Variants in FREM1 observed in about 807,000 individuals in gnomAD.
The protein encoded by FREM1 is FRAS1-related extracellular matrix protein 1.
A neutral mutation model predicts 210.1 loss-of-function variants in FREM1; 220 were observed. The ratio of observed to expected loss-of-function variants is 1.05; its 90% CI spans 0.94 to 1.17. FREM1 has a LOEUF of 1.17. FREM1 is among the 50% of genes most tolerant of loss of function. The pLI, the probability that FREM1 is intolerant of heterozygous loss-of-function variation, is 0.00. For synonymous variants in FREM1, 1,189 were observed against 980.2 expected, an observed-to-expected ratio of 1.21 and a Z score of -3.98; for missense variants, 3,454 against 2,675.5, an observed-to-expected ratio of 1.29 and a Z score of -6.42.
chr9:14,884,993 C>G (rs181677983), intron 1 of FREM1, among the ~76,000 whole-genome samples: 2 of 117,068 alleles, frequency 1.7e-5, no homozygotes, highest in Non-Finnish European at 1.6e-5. Context: ...GGTGCGATCT[C>G]GGCTCACTGC....
Position 14,806,684 on chromosome 9 carries a change from T to C in FREM1, c.3251A>G (p.Lys1084Arg). 6.3e-7 allele frequency: 1 copy of C among 1,599,354 alleles called. No homozygotes were observed. Among genetic ancestry groups the C allele is most frequent in the Non-Finnish European group, 8.5e-7 (1 of 1,172,114 alleles). Reference protein sequence around the residue: ...ENILPSVGFEKSNIGISIDSF... With the variant: ...ENILPSVGFERSNIGISIDSF... ...ACCTATACTTATGCCAATATTGCTT[T>C]TTTCAAAACCCACAGAAGGGAGTAT... is the stretch of plus-strand genomic sequence containing the variant. Residue 1084 changes from lysine (K) to arginine (R), a missense_variant, in exon 18 of 37, where the codon AAA becomes AGA. Lys to Arg is a conservative substitution (Grantham distance 26). Coordinates refer to ENST00000380880, the MANE Select transcript of FREM1 (RefSeq NM_001379081.2).
At chr9:14,784,091 G>T (rs1165165530) in intron 24 of FREM1, among the ~76,000 whole-genome samples, 2 of 152,098 alleles carry the variant, frequency 1.3e-5, no homozygotes, top group African/African-American at 4.8e-5. Flanking sequence ...TTCTTGCTTT[G>T]CTTCTGTCAT....
rs1817333642 is a variant in FREM1, at chr9:14,801,761, G to A, written c.3585C>T (p.Leu1195=). The A allele has an allele frequency of 2.5e-6, 4 of 1,613,874 alleles. No individual in the cohort carries two copies. The African/African-American group carries it at 4.0e-5, about 16-fold the overall frequency. Residue 1195 remains leucine, a synonymous_variant, in exon 20 of 37, where the codon CTC becomes CTT. Transcript: ENST00000380880. ...CTTTGCTAAACCCCCTATCGATGAG[G>A]AGGCCATGGCGTGGCTTTTGAGTGA... ...FSITQKPRHG[L]LIDRGFSKDF...
intron 22 of FREM1, among the ~76,000 whole-genome samples, chr9:14,792,272 GCACACACACA>G (rs34037291): frequency 2.1e-5 from 3 of 142,242 alleles, no homozygotes; most frequent in African/African-American, 5.4e-5. Context: ...ACACACACAC[GCACACACACA>G]CACACACACA....
intron 1 of FREM1, among the ~76,000 whole-genome samples, chr9:14,884,546 T>A (rs1034337930): frequency 3.9e-5 from 6 of 152,228 alleles, no homozygotes; most frequent in African/African-American, 7.2e-5. Flanking sequence ...TTTGGGAAAT[T>A]TTTTGAACAG....
intron 27 of FREM1, among the ~76,000 whole-genome samples, chr9:14,765,985 G>C (rs1846328593): frequency 6.6e-6 from 1 of 152,100 alleles, no homozygotes; most frequent in Non-Finnish European, 1.5e-5. Context: ...AACTTAGTTT[G>C]GGGCTTCTGC....
Position 14,841,464 on chromosome 9 carries a change from T to G in FREM1, c.1864A>C (p.Asn622His). 6.2e-7 allele frequency: 1 copy of G among 1,607,312 alleles called. No homozygotes were observed. ...FVLWDSHEPP[N>H]LSVPQVATIH... ...TCTCTTACCTGTGGCACTGAAAGAT[T>G]TGGAGGTTCATGGCTGTCCCACAGG... The change falls in exon 10 of 37, where the codon AAT becomes CAT. Residue 622 changes from asparagine to histidine, a missense_variant. Coordinates refer to ENST00000380880, the MANE Select transcript of FREM1 (RefSeq NM_001379081.2).
At chr9:14,825,110 T>C in intron 10 of FREM1, 118 bp from the exon 11 acceptor site, 3 of 650,058 alleles carry the variant, frequency 4.6e-6, no homozygotes, top group Non-Finnish European at 2.5e-6. Flanking sequence ...TATAATATAC[T>C]TCTGTCAAAT....
intron 12 of FREM1, 54 bp downstream of exon 12, chr9:14,823,971 C>T (rs949441631): frequency 1.6e-5 from 18 of 1,121,370 alleles, no homozygotes; most frequent in Non-Finnish European, 2.2e-5. Flanking sequence ...CATGCCATAC[C>T]TTCTAAGGGC....
At chr9:14,873,798 G>T (rs1387575078) in intron 1 of FREM1, among the ~76,000 whole-genome samples, 1 of 151,830 alleles carries the variant, frequency 6.6e-6, no homozygotes, top group East Asian at 1.9e-4. Context: ...TTCTCTTGTG[G>T]GCATTTAGTG....
At chr9:14,901,641 T>TA (rs1838798600) in intron 1 of FREM1, among the ~76,000 whole-genome samples, 1 of 152,214 alleles carries the variant, frequency 6.6e-6, no homozygotes, top group Non-Finnish European at 1.5e-5. Flanking sequence ...AGGTCACCTT[T>TA]AGTTCACATG....
At chr9:14,886,829 C>T (rs77177505) in intron 1 of FREM1, among the ~76,000 whole-genome samples, 3 of 141,862 alleles carry the variant, frequency 2.1e-5, no homozygotes, top group Non-Finnish European at 4.5e-5. Context: ...GCCTGGAGAT[C>T]GAGGTTGCAC....
intron 15 of FREM1, among the ~76,000 whole-genome samples, chr9:14,816,565 C>T (rs7868150): frequency 0.029 from 4,456 of 152,190 alleles, 187 homozygotes; most frequent in African/African-American, 0.099. Flanking sequence ...CAGTGTCTGG[C>T]TCCCTCTTGC....
intron 21 of FREM1, among the ~76,000 whole-genome samples, chr9:14,793,558 G>A (rs1851793385): frequency 6.6e-6 from 1 of 152,150 alleles, no homozygotes; most frequent in Non-Finnish European, 1.5e-5. Context: ...CCTTTACTGT[G>A]CGGTGCTGCT....
At chr9:14,750,973 G>C (rs558060906) in intron 29 of FREM1, among the ~76,000 whole-genome samples, 1 of 152,048 alleles carries the variant, frequency 6.6e-6, no homozygotes, top group Non-Finnish European at 1.5e-5. Flanking sequence ...AAACAGTTTT[G>C]ACCTTACAAA....
intron 1 of FREM1, among the ~76,000 whole-genome samples, chr9:14,894,613 A>G (rs758797522): frequency 2.0e-5 from 3 of 152,166 alleles, no homozygotes; most frequent in Non-Finnish European, 4.4e-5. Context: ...TGATTTTTTT[A>G]CTTTTTGCTT....
Position 14,816,823 on chromosome 9 carries a change from C to A in FREM1, c.2595G>T (p.Glu865Asp). The stretch of plus-strand genomic sequence containing the variant: ...CTGCTGAATTTGTGCCATCGGTGAC[C>A]TCCAAGAGTAGGTCATCCTGAAGAA... ...TEVLQDDLLLEVTDGTNSAEF... is the reference protein window; with the variant it reads ...TEVLQDDLLLDVTDGTNSAEF... Residue 865 changes from glutamate (E) to aspartate (D), a missense_variant, in exon 15 of 37, where the codon GAG becomes GAT. Coordinates refer to ENST00000380880, the MANE Select transcript of FREM1 (RefSeq NM_001379081.2). The A allele has an allele frequency of 6.9e-7, 1 of 1,446,436 alleles. No homozygotes were observed. Among genetic ancestry groups the A allele is most frequent in the South Asian group, 1.6e-5 (1 of 63,454 alleles). The allele number at this position is 1,446,436 out of a possible 1,614,324, so 89.6% of individuals were successfully genotyped here.
chr9:14,909,031 C>G (rs1310495781), intron 1 of FREM1, among the ~76,000 whole-genome samples: 1 of 152,130 alleles, frequency 6.6e-6, no homozygotes, highest in Non-Finnish European at 1.5e-5. Flanking sequence ...AGAGCAGAAA[C>G]CTGAAGAGCA....
intron 5 of FREM1, among the ~76,000 whole-genome samples, chr9:14,855,657 T>A (rs1447723721): frequency 1.3e-5 from 2 of 152,194 alleles, no homozygotes; most frequent in African/African-American, 4.8e-5. Context: ...CTGTGTTTTT[T>A]TTAATATTCT....
Sources: gnomAD v4.1 joint callset for allele counts (sites outside exome capture counted in the v4.1 genomes callset) on GRCh38, gnomAD v4.1.1 for gene constraint, MANE v1.5 for transcripts, NCBI Gene and HGNC (gene_info 2026-07-23, HGNC 2026-07-21) for gene names.